The following PSG11 variants were observed in gnomAD, a reference collection of about 807,000 sequenced individuals.
The protein encoded by PSG11 is pregnancy specific beta-1-glycoprotein 11.
PSG11 carries 42 observed loss-of-function variants against 36.0 expected under a neutral mutation model. That is an observed-to-expected ratio of 1.17 (90% CI 0.91 to 1.51). The LOEUF (loss-of-function observed/expected upper bound fraction) is 1.51, where lower values mean the gene tolerates loss of function less well. Ranked by LOEUF, PSG11 falls within the 40% of genes most tolerant of loss-of-function variation. PSG11 has a pLI of 0.00. For synonymous variants in PSG11, 206 were observed against 153.5 expected, an observed-to-expected ratio of 1.34 and a Z score of -2.53; for missense variants, 558 against 403.5, an observed-to-expected ratio of 1.38 and a Z score of -3.28.
At chr19:43,010,106 G>A in intron 4 of PSG11, 65 bp from the exon 5 acceptor site, 11 of 1,562,184 alleles carry the variant, frequency 7.0e-6, no homozygotes, top group Non-Finnish European at 9.7e-6. Context: ...GGAGCGTCAG[G>A]AACAAGCATG....
chr19:43,010,184 A>G, intron 4 of PSG11, 143 bp from the exon 5 acceptor site: 1 of 1,458,062 alleles, frequency 6.9e-7, no homozygotes, highest in East Asian at 2.5e-5. Context: ...TTGATGGGAG[A>G]TGATTATATT....
intron 3 of PSG11, among the ~76,000 whole-genome samples, chr19:43,016,399 G>T (rs1027804703): frequency 6.6e-6 from 1 of 151,156 alleles, no homozygotes; most frequent in South Asian, 2.1e-4. Flanking sequence ...ATGTGCAACT[G>T]CTGGGCCCCT....
intron 3 of PSG11, among the ~76,000 whole-genome samples, chr19:43,016,331 C>A (rs1263476101): frequency 6.6e-6 from 1 of 151,318 alleles, no homozygotes; most frequent in Non-Finnish European, 1.5e-5. Flanking sequence ...CCTGGTACCC[C>A]TCCCAGTCCC....
At position 43,007,918 on chromosome 19, in the gene PSG11, T is replaced by A. The variant is rs926472324; in HGVS notation, c.*165A>T. ...AATGGAGTTCTTTTCTTCTTTGTCT[T>A]GAATTTCATGAAGGTATCAGCCTGT... On this transcript the variant is annotated 3_prime_UTR_variant, in exon 6 of 6. Transcript: ENST00000320078. The A allele has an allele frequency of 7.1e-5, 28 of 392,474 alleles. No individual in the cohort carries two copies. The East Asian group carries it at 8.9e-4, about 12-fold the overall frequency. The allele number at this position is 392,474 out of a possible 1,614,324, so 24.3% of individuals were successfully genotyped here.
Position 43,026,420 on chromosome 19 carries a change from C to T in PSG11, c.-48G>A, listed in dbSNP as rs1261179777. On this transcript the variant is annotated 5_prime_UTR_variant, in exon 1 of 6. Coordinates refer to ENST00000320078, the MANE Select transcript of PSG11 (RefSeq NM_002785.3). ...TCCTCTGTGGAGATGAGCCTAGGATCCAGAAGCTTCCAGAGCACGGCTGTC... is the reference window on the plus strand; with the variant it reads ...TCCTCTGTGGAGATGAGCCTAGGATTCAGAAGCTTCCAGAGCACGGCTGTC... 6.3e-7 allele frequency: 1 copy of T among 1,597,052 alleles called. No individual in the cohort carries two copies. The highest frequency in any genetic ancestry group is 8.6e-7 in the Non-Finnish European group (1 of 1,169,404).
chr19:43,022,568 T>A (rs1967127251), intron 2 of PSG11, among the ~76,000 whole-genome samples: 4 of 151,356 alleles, frequency 2.6e-5, no homozygotes, highest in South Asian at 2.1e-4. Context: ...CATTAAAATC[T>A]TTCTTTACTA....
intron 1 of PSG11, 21 bp downstream of exon 1, chr19:43,026,288 C>A (rs747277389): frequency 5.5e-5 from 89 of 1,609,630 alleles, no homozygotes; most frequent in Non-Finnish European, 7.1e-5. Flanking sequence ...CCTGTCCTCT[C>A]CCAGGAAGTT....
intron 1 of PSG11, 87 bp from the exon 2 acceptor site, chr19:43,025,143 C>T: frequency 6.7e-7 from 1 of 1,488,662 alleles, no homozygotes; most frequent in Non-Finnish European, 9.1e-7. Flanking sequence ...AAGGTCTCTT[C>T]AATCCTCAGC....
Position 43,024,836 on chromosome 19 carries a change from G to C in PSG11, c.285C>G (p.Tyr95Ter), listed in dbSNP as rs143606670. Residue 95 changes from tyrosine to a stop codon, truncating the protein, a stop_gained, in exon 2 of 6, where the codon TAC becomes TAG. Coordinates refer to ENST00000320078, the MANE Select transcript of PSG11 (RefSeq NM_002785.3). LOFTEE classifies it high-confidence loss of function. Reference protein sequence around the residue: ...DGQIIIYGPAYSGRETVYSNA... With the variant: ...DGQIIIYGPA ...TGGAATATACTGTTTCTCGTCCACT[G>C]TATGCCGGTCCATATATAATTATTT... 7.4e-6 allele frequency: 12 copies of C among 1,611,848 alleles called. No individual in the cohort carries two copies. Among genetic ancestry groups the C allele is most frequent in the African/African-American group, 2.7e-5 (2 of 74,294 alleles).
chr19:43,023,262 A>T, intron 2 of PSG11, among the ~76,000 whole-genome samples: 1 of 150,308 alleles, frequency 6.7e-6, no homozygotes. Flanking sequence ...TGCATTCAAG[A>T]TCCAGTCTCT....
At chr19:43,021,693 T>C (rs949770602) in intron 2 of PSG11, among the ~76,000 whole-genome samples, 3 of 151,512 alleles carry the variant, frequency 2.0e-5, no homozygotes, top group African/African-American at 7.3e-5. Context: ...TTTGTTCAGC[T>C]TTTTACTTAG....
rs191740455 is a variant in PSG11 at position 43,019,149 on chromosome 19, C to T, written c.431-101G>A. On this transcript the variant is annotated intron_variant, in intron 2 of 5. Coordinates refer to ENST00000320078, the MANE Select transcript of PSG11 (RefSeq NM_002785.3). ...GGCATTTGCCACCTCTCAGCCCACC[C>T]GAGTCCCTAAAAGCCCATGGCAGGT... is the stretch of plus-strand genomic sequence containing the variant. The T allele has an allele frequency of 1.8e-4, 275 of 1,538,860 alleles. 14 individuals are homozygous for T. The Admixed American group carries it at 4.1e-3, about 23-fold the overall frequency.
chr19:43,015,121 ACT>A lies in PSG11; in HGVS notation c.957_958del (p.Arg319SerfsTer14). The A allele has an allele frequency of 6.2e-7, 1 of 1,611,812 alleles. No homozygotes were observed. The highest frequency in any genetic ancestry group is 8.5e-7 in the Non-Finnish European group (1 of 1,178,914). ...GGATGCTGGGATCCACTTACCAATG[ACT>A]CTGATTGTCAAGGATGTGGAGCTTT... On this transcript the variant is annotated frameshift_variant, in exon 4 of 6. Transcript: ENST00000320078. LOFTEE classifies it high-confidence loss of function.
chr19:43,016,107 C>T (rs1363422392), intron 3 of PSG11: 2 of 1,547,554 alleles, frequency 1.3e-6, no homozygotes, highest in East Asian at 2.3e-5. Context: ...CACAGGCATC[C>T]TTCAATCAGA....
rs555076396 is a variant in PSG11 at position 43,013,976 on chromosome 19, A to G, written c.964+1140T>C. On this transcript the variant is annotated intron_variant, in intron 4 of 5. Coordinates refer to ENST00000320078, the MANE Select transcript of PSG11 (RefSeq NM_002785.3). ...AATTCCAATATATCGTGCAAAATGG[A>G]TGAACCTTGAAGATATTATGCTAAC... 2.6e-5 allele frequency: 4 copies of G among 151,514 alleles called. No individual in the cohort carries two copies. In the East Asian group the frequency reaches 5.8e-4, roughly 22 times the overall value. 9.4% of individuals were successfully genotyped at this position (151,514 alleles called of 1,614,324 possible).
At chr19:43,009,141 T>C (rs981159195) in intron 5 of PSG11, among the ~76,000 whole-genome samples, 1 of 151,412 alleles carries the variant, frequency 6.6e-6, no homozygotes, top group Non-Finnish European at 1.5e-5. Flanking sequence ...GGCCCTTGCC[T>C]TCTTCATTTC....
chr19:43,025,938 T>TTC (rs1967241887), intron 1 of PSG11, among the ~76,000 whole-genome samples: 3 of 40,400 alleles, frequency 7.4e-5, no homozygotes, highest in African/African-American at 2.3e-4. Context: ...TTTTTTCTCT[T>TTC]TTTTTTTTTT....
rs1359856783 is a variant in PSG11 at position 43,013,503 on chromosome 19, CA to C, written c.964+1612del. On this transcript the variant is annotated intron_variant, in intron 4 of 5. Transcript: ENST00000320078. ...AACACAAATATCCAATAAGCCCATG[CA>C]AAGTTCCTCAGCATCATGAATACTT... Among the ~76,000 whole-genome samples, 4 of 151,416 alleles carry C rather than the reference CA, an allele frequency of 2.6e-5. No individual in the cohort carries two copies. In the East Asian group the frequency reaches 5.8e-4, roughly 22 times the overall value.
chr19:43,010,292 G>T (rs577659017), intron 4 of PSG11: 2 of 1,481,532 alleles, frequency 1.3e-6, no homozygotes, highest in Admixed American at 2.4e-5. Context: ...GCTTTCAGAC[G>T]TGAGAAAGGC....
Sources: gnomAD v4.1 joint callset for allele counts (sites outside exome capture counted in the v4.1 genomes callset) on GRCh38, gnomAD v4.1.1 for gene constraint, MANE v1.5 for transcripts, NCBI Gene and HGNC (gene_info 2026-07-23, HGNC 2026-07-21) for gene names.